DGKG: variants seen among roughly 807,000 people sequenced by gnomAD.
DGKG encodes the protein DAG kinase gamma.
In DGKG, 78 loss-of-function variants were observed where a neutral mutation model predicts 105.3. That is an observed-to-expected ratio of 0.74 (90% CI 0.62 to 0.89). The LOEUF (loss-of-function observed/expected upper bound fraction) is 0.89, where lower values mean the gene tolerates loss of function less well. Among genes scored for constraint, DGKG ranks in the 40% least tolerant of loss-of-function variants. The pLI is 0.00. For synonymous variants in DGKG, 346 were observed against 367.1 expected (o/e 0.94, Z 0.66); for missense variants, 958 against 1,020.1 (o/e 0.94, Z 0.83).
intron 24 of DGKG, among the ~76,000 whole-genome samples, chr3:186,150,755 C>G (rs1017200149): frequency 7.2e-5 from 11 of 152,280 alleles, no homozygotes; most frequent in Admixed American, 7.2e-4. Flanking sequence ...AGGGAAGACC[C>G]CAAATTCTTT....
chr3:186,265,928 C>T (rs1722034730), intron 13 of DGKG, among the ~76,000 whole-genome samples: 1 of 152,044 alleles, frequency 6.6e-6, no homozygotes, highest in East Asian at 1.9e-4. Context: ...CCTCAGCCTC[C>T]CAAAGTGCTG....
intron 5 of DGKG, among the ~76,000 whole-genome samples, chr3:186,295,379 G>A (rs1723500432): frequency 2.0e-5 from 3 of 151,976 alleles, no homozygotes; most frequent in Admixed American, 2.0e-4. Context: ...GCACGTGCCT[G>A]TAGTCCCAGC....
intron 15 of DGKG, among the ~76,000 whole-genome samples, chr3:186,261,115 G>C (rs1435446077): frequency 6.6e-6 from 1 of 152,220 alleles, no homozygotes; most frequent in Non-Finnish European, 1.5e-5. Flanking sequence ...GGTCCTCATA[G>C]TTCTTGCTTT....
chr3:186,197,872 C>T (rs1047229757), intron 21 of DGKG, among the ~76,000 whole-genome samples: 2 of 152,210 alleles, frequency 1.3e-5, no homozygotes, highest in East Asian at 3.8e-4. Context: ...GCTTTCTCCT[C>T]TATGAGGCTT....
At chr3:186,310,651 G>A (rs150403746) in intron 2 of DGKG, among the ~76,000 whole-genome samples, 2 of 152,148 alleles carry the variant, frequency 1.3e-5, no homozygotes, top group Non-Finnish European at 1.5e-5. Context: ...CTTATTTTAG[G>A]TGTCATCTGT....
chr3:186,188,321 T>C lies in DGKG; in HGVS notation c.1976A>G (p.Asn659Ser), dbSNP rs758754601. The stretch of plus-strand genomic sequence containing the variant: ...GGTGCCTCCGTACATGCTGGGAATG[T>C]TGAGAATGGCAATGCCTTCCAGGAA... ...NIFLEGIAIL[N>S]IPSMYGGTNL... Residue 659 changes from asparagine to serine, a missense_variant, in exon 22 of 25, where the codon AAC becomes AGC. By Grantham distance (46) the Asn-to-Ser change is conservative. Around this residue, in one of 2 missense-constraint regions of DGKG, gnomAD observed 315 missense variants for 400.6 expected, o/e 0.79. Coordinates refer to ENST00000265022, the MANE Select transcript of DGKG (RefSeq NM_001346.3). 4.3e-6 allele frequency: 7 copies of C among 1,614,178 alleles called. No homozygotes were observed. The highest frequency in any genetic ancestry group is 5.9e-6 in the Non-Finnish European group (7 of 1,180,028).
intron 20 of DGKG, among the ~76,000 whole-genome samples, chr3:186,241,115 A>G (rs1720665486): frequency 6.6e-6 from 1 of 152,154 alleles, no homozygotes; most frequent in African/African-American, 2.4e-5. Flanking sequence ...TTCTGAAGCT[A>G]TAGTGTTCAG....
At chr3:186,323,062 C>T (rs77275504) in intron 1 of DGKG, among the ~76,000 whole-genome samples, 3,116 of 152,304 alleles carry the variant, frequency 0.02, 48 homozygotes, top group Non-Finnish European at 0.033. Flanking sequence ...CTCTCCCTGC[C>T]TTGCGCTTTG....
intron 22 of DGKG, among the ~76,000 whole-genome samples, chr3:186,171,604 A>T (rs1281319165): frequency 6.6e-6 from 1 of 152,224 alleles, no homozygotes; most frequent in Non-Finnish European, 1.5e-5. Context: ...ACAAGAAAAA[A>T]TGTCTACATG....
chr3:186,355,325 TCACCACTATCACCAC>T (rs1332458891), intron 1 of DGKG, among the ~76,000 whole-genome samples: 1 of 27,504 alleles, frequency 3.6e-5, no homozygotes, highest in African/African-American at 2.6e-4. Context: ...ACCACTACCA[TCACCACTATCACCAC>T]CACCAACAAC....
At chr3:186,256,723 C>A (rs1226961185) in intron 17 of DGKG, among the ~76,000 whole-genome samples, 1 of 152,212 alleles carries the variant, frequency 6.6e-6, no homozygotes, top group Non-Finnish European at 1.5e-5. Flanking sequence ...ACCATGCTGG[C>A]CTGCCTCCAG....
intron 22 of DGKG, among the ~76,000 whole-genome samples, chr3:186,180,167 C>T (rs555556684): frequency 6.6e-6 from 1 of 151,976 alleles, no homozygotes; most frequent in South Asian, 2.1e-4. Context: ...GGGTCTCCAG[C>T]TTGGGCAACA....
At chr3:186,316,198 G>A (rs540782904) in intron 2 of DGKG, among the ~76,000 whole-genome samples, 3 of 152,324 alleles carry the variant, frequency 2.0e-5, no homozygotes, top group Admixed American at 2.0e-4. Flanking sequence ...CACCATGTCT[G>A]CCCAGGATCC....
intron 20 of DGKG, among the ~76,000 whole-genome samples, chr3:186,224,792 T>C (rs548343509): frequency 5.7e-4 from 69 of 121,942 alleles, no homozygotes; most frequent in African/African-American, 2.0e-3. Context: ...TTTTAACCAA[T>C]GCTACATACT....
chr3:186,330,776 G>T (rs919133291), intron 1 of DGKG, among the ~76,000 whole-genome samples: 2 of 152,190 alleles, frequency 1.3e-5, no homozygotes, highest in African/African-American at 4.8e-5. Context: ...AGCCATTTGG[G>T]ATTTCACAGC....
In DGKG at chr3:186,149,236, G is replaced by T. The variant is rs937076983; in HGVS notation, c.*854C>A. 6 of 946,006 alleles carry T rather than the reference G, an allele frequency of 6.3e-6. No individual in the cohort carries two copies. Among genetic ancestry groups the T allele is most frequent in the Middle Eastern group, 5.4e-4 (1 of 1,846 alleles). The allele number at this position is 946,006 out of a possible 1,614,324, so 58.6% of individuals were successfully genotyped here. A position where few individuals can be genotyped will look rare whatever the true frequency, so the allele number is the denominator to read the frequency against. Reference sequence around the variant, plus strand: ...TTGAAAAAGAAAGAAGCTGGGGGTGGTTTTTTTTTTCCTTCCCTTTTTACA... The same window carrying T: ...TTGAAAAAGAAAGAAGCTGGGGGTGTTTTTTTTTTTCCTTCCCTTTTTACA... On this transcript the variant is annotated 3_prime_UTR_variant, in exon 25 of 25. Transcript: ENST00000265022.
intron 21 of DGKG, among the ~76,000 whole-genome samples, chr3:186,207,146 T>C (rs1337949791): frequency 6.6e-6 from 1 of 152,216 alleles, no homozygotes; most frequent in African/African-American, 2.4e-5. Context: ...TGTGGTCTCA[T>C]AGAAGAAGCA....
chr3:186,177,198 C>T (rs1216612164), intron 22 of DGKG, among the ~76,000 whole-genome samples: 1 of 152,164 alleles, frequency 6.6e-6, no homozygotes. Context: ...ACTCTCAGAT[C>T]CTATTGCTCC....
At chr3:186,152,296 G>GTGTC (rs1715798913) in intron 24 of DGKG, among the ~76,000 whole-genome samples, 1 of 152,174 alleles carries the variant, frequency 6.6e-6, no homozygotes, top group Non-Finnish European at 1.5e-5. Context: ...TTTGTGCTGT[G>GTGTC]TGTCTTATTG....
Sources: allele counts gnomAD v4.1 joint callset (sites outside exome capture counted in the v4.1 genomes callset), GRCh38; gene constraint gnomAD v4.1.1; regional missense constraint gnomAD v4.1.1; transcripts MANE v1.5; gene names NCBI Gene and HGNC (gene_info 2026-07-23, HGNC 2026-07-21).